The following DIS3L2 variants were observed in gnomAD, a reference collection of about 807,000 sequenced individuals.
The protein encoded by DIS3L2 is DIS3 like 3'-5' exoribonuclease 2.
In DIS3L2, 34 loss-of-function variants were observed where a neutral mutation model predicts 97.5. That is an observed-to-expected ratio of 0.35 (90% CI 0.27 to 0.46). DIS3L2 has a LOEUF of 0.46. DIS3L2 is among the 20% of genes least tolerant of loss of function. The probability of loss-of-function intolerance (pLI) is 1.00; values close to 1 mark genes in which losing one functional copy is unlikely to be tolerated. For synonymous variants in DIS3L2, 435 were observed against 445.2 expected, an observed-to-expected ratio of 0.98 and a Z score of 0.29; for missense variants, 1,038 against 1,146.0, an observed-to-expected ratio of 0.91 and a Z score of 1.36.
At chr2:232,213,379 A>G (rs547561344) in intron 10 of DIS3L2, among the ~76,000 whole-genome samples, 3 of 152,280 alleles carry the variant, frequency 2.0e-5, no homozygotes, top group Admixed American at 1.3e-4. Context: ...GGAAAAGGAC[A>G]TGGAAAAGGA....
intron 12 of DIS3L2, among the ~76,000 whole-genome samples, chr2:232,255,010 A>C (rs781385130): frequency 2.6e-5 from 4 of 152,246 alleles, no homozygotes; most frequent in Non-Finnish European, 5.9e-5. Flanking sequence ...TGGGATGAGT[A>C]TCTCTTACCC....
intron 10 of DIS3L2, among the ~76,000 whole-genome samples, chr2:232,216,524 T>C (rs1461958925): frequency 6.6e-6 from 1 of 152,094 alleles, no homozygotes; most frequent in Non-Finnish European, 1.5e-5. Context: ...GGTCACCTTC[T>C]CCGTGAAGCC....
chr2:232,290,629 G>A (rs188525887), intron 13 of DIS3L2, among the ~76,000 whole-genome samples: 25 of 152,296 alleles, frequency 1.6e-4, no homozygotes, highest in African/African-American at 5.1e-4. Context: ...TTTCTTCTCA[G>A]AAAGTAAAAC....
chr2:231,991,429 C>A (rs149600295), intron 1 of DIS3L2, among the ~76,000 whole-genome samples: 2 of 151,976 alleles, frequency 1.3e-5, no homozygotes, highest in African/African-American at 4.8e-5. Flanking sequence ...GTGCCACCAT[C>A]TGGCTAATTT....
downstream of DIS3L2, among the ~76,000 whole-genome samples, chr2:232,338,521 A>G (rs1194183563): frequency 2.3e-5 from 3 of 133,144 alleles, no homozygotes; most frequent in Non-Finnish European, 4.8e-5. Context: ...ACCCCACCCC[A>G]TCTGGGGAAG....
chr2:232,105,876 C>T (rs568884487), intron 6 of DIS3L2, among the ~76,000 whole-genome samples: 1 of 152,282 alleles, frequency 6.6e-6, no homozygotes, highest in African/African-American at 2.4e-5. Flanking sequence ...GCCTATCATC[C>T]CCATGGCTTT....
intron 14 of DIS3L2, chr2:232,307,736 C>T (rs926896994): frequency 2.6e-5 from 4 of 152,094 alleles, no homozygotes; most frequent in Non-Finnish European, 5.9e-5. Context: ...TAGTCTAAAA[C>T]CATTCAAGAA....
At chr2:232,218,111 G>A (rs534356587) in intron 10 of DIS3L2, among the ~76,000 whole-genome samples, 2 of 152,268 alleles carry the variant, frequency 1.3e-5, no homozygotes, top group South Asian at 4.1e-4. Flanking sequence ...TCCTGCCTTG[G>A]GGAGAAAAAG....
At chr2:231,975,529 C>G (rs1454287796) in intron 1 of DIS3L2, among the ~76,000 whole-genome samples, 1 of 151,578 alleles carries the variant, frequency 6.6e-6, no homozygotes, top group Non-Finnish European at 1.5e-5. Flanking sequence ...GGTGAAACTC[C>G]ATCTCTACTA....
chr2:232,093,387 G>A (rs887998767), intron 6 of DIS3L2, among the ~76,000 whole-genome samples: 2 of 151,968 alleles, frequency 1.3e-5, no homozygotes, highest in South Asian at 4.2e-4. Context: ...TGATATCAGG[G>A]TAATATTGCC....
intron 1 of DIS3L2, among the ~76,000 whole-genome samples, chr2:231,986,042 G>T (rs1448347524): frequency 6.6e-6 from 1 of 152,188 alleles, no homozygotes; most frequent in Non-Finnish European, 1.5e-5. Flanking sequence ...GCTTCAGTCC[G>T]CTCCTGGTGC....
intron 3 of DIS3L2, among the ~76,000 whole-genome samples, chr2:232,019,359 C>G (rs1574815833): frequency 6.6e-6 from 1 of 152,166 alleles, no homozygotes; most frequent in East Asian, 1.9e-4. Flanking sequence ...TAAGACCAGC[C>G]TGGGCAACAT....
chr2:232,149,487 G>T (rs1690336178), intron 8 of DIS3L2, among the ~76,000 whole-genome samples: 1 of 144,976 alleles, frequency 6.9e-6, no homozygotes, highest in Non-Finnish European at 1.5e-5. Context: ...TGAGAATGAT[G>T]GTTTCCAATT....
intron 12 of DIS3L2, chr2:232,260,129 G>A (rs1693677322): frequency 6.6e-6 from 1 of 152,288 alleles, no homozygotes; most frequent in African/African-American, 2.4e-5. Context: ...ATGTGAAAGA[G>A]AACAGTGGAA....
intron 6 of DIS3L2, among the ~76,000 whole-genome samples, chr2:232,106,358 G>T (rs1020450201): frequency 6.6e-6 from 1 of 152,118 alleles, no homozygotes; most frequent in African/African-American, 2.4e-5. Context: ...AATTTTAAAG[G>T]GATGGAGGAA....
chr2:232,297,701 CTTTTTT>C (rs11309721), intron 13 of DIS3L2, among the ~76,000 whole-genome samples: 3 of 106,128 alleles, frequency 2.8e-5, no homozygotes, highest in South Asian at 6.9e-4. Context: ...CCTTCCAAGT[CTTTTTT>C]TTTTTTTTTT....
chr2:232,243,210 G>C (rs142573170), intron 11 of DIS3L2, among the ~76,000 whole-genome samples: 4 of 152,292 alleles, frequency 2.6e-5, no homozygotes, highest in African/African-American at 9.6e-5. Flanking sequence ...TTTCTAGATA[G>C]ACAAAAATGG....
chr2:232,310,606 C>A (rs984867399), intron 14 of DIS3L2, among the ~76,000 whole-genome samples: 3 of 152,174 alleles, frequency 2.0e-5, no homozygotes, highest in Admixed American at 6.5e-5. Context: ...GTTTTATCTA[C>A]AGGAAGAGGA....
At chr2:232,112,411 A>G (rs973168309) in intron 6 of DIS3L2, among the ~76,000 whole-genome samples, 2 of 152,198 alleles carry the variant, frequency 1.3e-5, no homozygotes, top group African/African-American at 4.8e-5. Flanking sequence ...GTGAATACAA[A>G]GTAAAATCTG....
Sources: allele counts gnomAD v4.1 joint callset (sites outside exome capture counted in the v4.1 genomes callset), GRCh38; gene constraint gnomAD v4.1.1; transcripts MANE v1.5; gene names NCBI Gene and HGNC (gene_info 2026-07-23, HGNC 2026-07-21).